The following CFAP97D2 variants were observed in gnomAD, a reference collection of about 807,000 sequenced individuals.
CFAP97D2 encodes the protein uncharacterized protein CFAP97D2.
rs1009768310 is a variant in CFAP97D2 at position 114,203,136 on chromosome 13, A to T, written c.290+2693A>T. The stretch of plus-strand genomic sequence containing the variant: ...GGGAAGGAAGAAGCAAACTATTTCT[A>T]TTCACAGATGATATGATCTTGCATA... On this transcript the variant is annotated intron_variant, in intron 3 of 4. Transcript: ENST00000646158. The surrounding 1 kb of genome is among the most constrained non-coding windows in gnomAD (Gnocchi z 4.3). Among the ~76,000 whole-genome samples the T allele has an allele frequency of 2.0e-5, 3 of 152,246 alleles. No individual in the cohort carries two copies. The highest frequency in any genetic ancestry group is 7.2e-5 in the African/African-American group (3 of 41,470).
At chr13:114,196,753 G>C (rs1403191307) in intron 2 of CFAP97D2, among the ~76,000 whole-genome samples, 6 of 152,196 alleles carry the variant, frequency 3.9e-5, no homozygotes, top group Non-Finnish European at 5.9e-5. Context: ...TTAAGGATCT[G>C]CCCGTGACAC....
In CFAP97D2 at chr13:114,222,447, C is replaced by T; in HGVS notation, c.481-51C>T. The T allele has an allele frequency of 2.5e-6, 1 of 398,560 alleles. No individual in the cohort carries two copies. The highest frequency in any genetic ancestry group is 4.4e-5 in the Admixed American group (1 of 22,736). The allele number at this position is 398,560 out of a possible 1,614,324, so 24.7% of individuals were successfully genotyped here. On this transcript the variant is annotated intron_variant, in intron 4 of 4. Coordinates refer to ENST00000646158, the Ensembl canonical transcript of CFAP97D2. This position sits in a 1 kb window ranked among gnomAD's most constrained non-coding sequence, Gnocchi z 4.4. ...CATTTCCCAAGTAAGTTGATAGTTT[C>T]TTGTTCTTGCCTAAGAAAGCGTTAG...
In CFAP97D2 at chr13:114,194,486, A is replaced by C. The variant is rs189371513; in HGVS notation, c.91-1910A>C. Reference sequence around the variant, plus strand: ...AAAGATGTACGACCAGTGGCAATATAGGCCTTTTTACGTGAGTCCTGAGTC... The same window carrying C: ...AAAGATGTACGACCAGTGGCAATATCGGCCTTTTTACGTGAGTCCTGAGTC... On this transcript the variant is annotated intron_variant, in intron 1 of 4. Coordinates refer to ENST00000646158, the Ensembl canonical transcript of CFAP97D2. Among the ~76,000 whole-genome samples the C allele has an allele frequency of 1.1e-4, 16 of 152,314 alleles. No individual in the cohort carries two copies. In the East Asian group the frequency reaches 3.1e-3, roughly 29 times the overall value.
intron 3 of CFAP97D2, among the ~76,000 whole-genome samples, chr13:114,206,587 A>G (rs1446575937): frequency 6.6e-6 from 1 of 152,210 alleles, no homozygotes; most frequent in African/African-American, 2.4e-5. Context: ...AAGACCACAT[A>G]TTAGACGATT....
intron 3 of CFAP97D2, among the ~76,000 whole-genome samples, chr13:114,205,814 C>G (rs1165460762): frequency 2.6e-5 from 4 of 152,204 alleles, no homozygotes; most frequent in Non-Finnish European, 5.9e-5. Flanking sequence ...TTCCAAGGCT[C>G]TAGGCTGATC....
At chr13:114,209,742 G>C (rs1326999534) in intron 3 of CFAP97D2, among the ~76,000 whole-genome samples, 2 of 152,218 alleles carry the variant, frequency 1.3e-5, no homozygotes, top group African/African-American at 4.8e-5. Flanking sequence ...TCACTTACTT[G>C]TGTGTTGACC....
At chr13:114,212,130 T>G in intron 4 of CFAP97D2, 1 of 398,590 alleles carries the variant, frequency 2.5e-6, no homozygotes, top group Non-Finnish European at 4.4e-6. Flanking sequence ...TCATCTAAAA[T>G]CCATAGCTAT....
At chr13:114,182,148 A>C (rs563773988) in intron 1 of CFAP97D2, among the ~76,000 whole-genome samples, 3 of 144,368 alleles carry the variant, frequency 2.1e-5, no homozygotes, top group African/African-American at 5.3e-5. Flanking sequence ...GCAGGGTGAT[A>C]ATAAGGAGAA....
intron 3 of CFAP97D2, among the ~76,000 whole-genome samples, chr13:114,205,635 G>A (rs1045200412): frequency 6.6e-6 from 1 of 152,144 alleles, no homozygotes; most frequent in Admixed American, 6.5e-5. Context: ...AGAGCTGGGA[G>A]TGGAGACAAT....
In CFAP97D2 at chr13:114,207,229, T is replaced by A. The variant is rs750519226; in HGVS notation, c.291-4683T>A. ...CTCAGGGCTCGCAAACCAGAAAGTATCTAGACAGGTCTCAAACAATCTAGG... is the reference window on the plus strand; with the variant it reads ...CTCAGGGCTCGCAAACCAGAAAGTAACTAGACAGGTCTCAAACAATCTAGG... On this transcript the variant is annotated intron_variant, in intron 3 of 4. Coordinates refer to ENST00000646158, the Ensembl canonical transcript of CFAP97D2. This position sits in a 1 kb window ranked among gnomAD's most constrained non-coding sequence, Gnocchi z 4.9. Among the ~76,000 whole-genome samples, 2 of 152,142 alleles carry A rather than the reference T, an allele frequency of 1.3e-5. No homozygotes were observed. Among genetic ancestry groups the A allele is most frequent in the Admixed American group, 6.5e-5 (1 of 15,284 alleles).
chr13:114,222,714 C>G (rs1338416478), downstream of CFAP97D2: 2 of 392,568 alleles, frequency 5.1e-6, no homozygotes, highest in Non-Finnish European at 9.0e-6. This position sits in a 1 kb window ranked among gnomAD's most constrained non-coding sequence, Gnocchi z 4.4. Flanking sequence ...AGGGCCGGGG[C>G]CAGGGCAGCC....
chr13:114,182,427 T>C (rs1419284295), intron 1 of CFAP97D2, among the ~76,000 whole-genome samples: 1 of 151,966 alleles, frequency 6.6e-6, no homozygotes, highest in African/African-American at 2.4e-5. Flanking sequence ...ACAGTGGCCT[T>C]CCTCTATCTC....
chr13:114,219,196 A>C (rs948751187), intron 4 of CFAP97D2, among the ~76,000 whole-genome samples: 24 of 152,360 alleles, frequency 1.6e-4, no homozygotes, highest in Non-Finnish European at 3.2e-4. Context: ...TATTTTTAAT[A>C]TCTTTGGGTC....
chr13:114,181,693 G>T (rs1321992483), intron 1 of CFAP97D2, among the ~76,000 whole-genome samples: 2 of 152,194 alleles, frequency 1.3e-5, no homozygotes, highest in Non-Finnish European at 2.9e-5. Flanking sequence ...GCTTGGCTGA[G>T]AATCTCTGAA....
At chr13:114,221,714 A>T (rs11617884) in intron 4 of CFAP97D2, among the ~76,000 whole-genome samples, 7,990 of 148,822 alleles carry the variant, frequency 0.054, 236 homozygotes, top group South Asian at 0.07. Flanking sequence ...AAAGTGTAAT[A>T]AAAAAAAAAG....
chr13:114,213,356 C>T (rs1442196502), intron 4 of CFAP97D2, among the ~76,000 whole-genome samples: 1 of 149,192 alleles, frequency 6.7e-6, no homozygotes, highest in Non-Finnish European at 1.5e-5. Context: ...GCTCCAAGAC[C>T]ATGAACCCCA....
intron 3 of CFAP97D2, among the ~76,000 whole-genome samples, chr13:114,202,756 T>C (rs886895507): frequency 2.6e-5 from 4 of 152,154 alleles, no homozygotes; most frequent in African/African-American, 9.7e-5. Context: ...ATTTCCTGTT[T>C]GTGGAGTGGA....
intron 3 of CFAP97D2, among the ~76,000 whole-genome samples, chr13:114,210,915 G>A (rs372791992): frequency 6.5e-4 from 99 of 151,254 alleles, no homozygotes; most frequent in African/African-American, 2.3e-3. Context: ...AGATGGAGAT[G>A]CATCTTGCAG....
intron 1 of CFAP97D2, among the ~76,000 whole-genome samples, chr13:114,193,768 C>G (rs141793225): frequency 6.6e-6 from 1 of 152,254 alleles, no homozygotes; most frequent in East Asian, 1.9e-4. Context: ...TCTCGCAGTG[C>G]TGGAGGCTGG....
Sources: allele counts gnomAD v4.1 joint callset (sites outside exome capture counted in the v4.1 genomes callset), GRCh38; gene constraint gnomAD v4.1.1; non-coding constraint Gnocchi (gnomAD v3.1); transcripts MANE v1.5; gene names NCBI Gene and HGNC (gene_info 2026-07-23, HGNC 2026-07-21).